Variants in R3HDM2 observed in about 807,000 individuals in gnomAD.
The protein encoded by R3HDM2 is R3H domain containing 2, also known as R3H domain-containing protein 2.
In R3HDM2, 38 loss-of-function variants were observed where a neutral mutation model predicts 124.5. The observed-to-expected ratio is 0.31, with a 90% CI of 0.24 to 0.40. R3HDM2 has a LOEUF of 0.40. Among genes scored for constraint, R3HDM2 ranks in the 10% least tolerant of loss-of-function variants. R3HDM2 has a pLI of 1.00. For missense variants in R3HDM2, 869 were observed against 1,236.9 expected (o/e 0.70, Z 4.46); for synonymous variants, 391 against 448.0 (o/e 0.87, Z 1.61).
At chr12:57,416,701 G>C (rs565924293) in intron 1 of R3HDM2, among the ~76,000 whole-genome samples, 5 of 151,158 alleles carry the variant, frequency 3.3e-5, no homozygotes, top group East Asian at 2.0e-4. Context: ...CCAGCTACTC[G>C]AGAGGATGAG....
intron 2 of R3HDM2, among the ~76,000 whole-genome samples, chr12:57,372,396 A>G (rs1397196889): frequency 6.6e-6 from 1 of 152,240 alleles, no homozygotes; most frequent in Non-Finnish European, 1.5e-5. Flanking sequence ...CACAGGCTAG[A>G]AAGCCTTGGG....
At position 57,254,500 on chromosome 12, in the gene R3HDM2, TCAAA is replaced by T; in HGVS notation, c.*269_*272del. The T allele has an allele frequency of 1.5e-5, 2 of 129,208 alleles. No homozygotes were observed. The highest frequency in any genetic ancestry group is 2.3e-4 in the South Asian group (1 of 4,398). The allele number at this position is 129,208 out of a possible 1,614,324, so 8.0% of individuals were successfully genotyped here. The stretch of plus-strand genomic sequence containing the variant: ...GGGGTGACAAGAGCGAAACTCCGTC[TCAAA>T]AAAAAAAAAAAAAAAAAAAAGAAGA... On this transcript the variant is annotated 3_prime_UTR_variant, in exon 24 of 24. Transcript: ENST00000402412.
intron 1 of R3HDM2, among the ~76,000 whole-genome samples, chr12:57,426,696 C>T (rs1240630933): frequency 6.6e-6 from 1 of 152,184 alleles, no homozygotes; most frequent in Non-Finnish European, 1.5e-5. Flanking sequence ...AAGACTTCCA[C>T]ACTCCATCCT....
intron 2 of R3HDM2, among the ~76,000 whole-genome samples, chr12:57,333,909 G>T (rs1006844121): frequency 6.6e-6 from 1 of 151,960 alleles, no homozygotes; most frequent in African/African-American, 2.4e-5. Context: ...GGGCGTGGTG[G>T]CACGTGCCTG....
chr12:57,424,446 GCCA>G (rs906045572), intron 1 of R3HDM2, among the ~76,000 whole-genome samples: 91 of 152,004 alleles, frequency 6.0e-4, no homozygotes, highest in African/African-American at 2.1e-3. Context: ...ACAGGCGTGA[GCCA>G]CCACACCTGA....
intron 14 of R3HDM2, among the ~76,000 whole-genome samples, chr12:57,278,943 T>C (rs1484383773): frequency 6.6e-6 from 1 of 152,020 alleles, no homozygotes; most frequent in Non-Finnish European, 1.5e-5. Context: ...TTCTTACACC[T>C]AGGGAAGAAA....
In R3HDM2 at chr12:57,296,569, G is replaced by GA. The variant is rs753251644; in HGVS notation, c.561-19dup. ...ACTGATTACTGAAGGGAAACCCGGG[G>GA]AAAAAAAGTGAAATAAGACAAACAA... On this transcript the variant is annotated intron_variant, in intron 8 of 23. Coordinates refer to ENST00000402412, the MANE Select transcript of R3HDM2 (RefSeq NM_001394031.1). The surrounding 1 kb of genome is among the most constrained non-coding windows in gnomAD (Gnocchi z 4.5). 1.3e-6 allele frequency: 2 copies of GA among 1,538,170 alleles called. No homozygotes were observed. Among genetic ancestry groups the GA allele is most frequent in the Non-Finnish European group, 1.8e-6 (2 of 1,140,470 alleles).
At chr12:57,358,507 C>T (rs1220690522) in intron 2 of R3HDM2, among the ~76,000 whole-genome samples, 1 of 151,948 alleles carries the variant, frequency 6.6e-6, no homozygotes, top group Non-Finnish European at 1.5e-5. Flanking sequence ...ATTAGCTGGG[C>T]ATGGTACTGT....
chr12:57,295,510 G>C lies in R3HDM2; in HGVS notation c.702-3C>G. The C allele has an allele frequency of 6.5e-7, 1 of 1,544,002 alleles. No individual in the cohort carries two copies. Among genetic ancestry groups the C allele is most frequent in the Non-Finnish European group, 8.8e-7 (1 of 1,140,370 alleles). On this transcript the variant is annotated splice_polypyrimidine_tract_variant and splice_region_variant and intron_variant, in intron 9 of 23. Transcript: ENST00000402412. The stretch of plus-strand genomic sequence containing the variant: ...GTTCTGAGAACCTCTGTTCAGGGCT[G>C]AGATTTGGAGAGAAATGTGAAAGGA...
chr12:57,283,977 G>A lies in R3HDM2; in HGVS notation c.1018C>T (p.Arg340Cys), dbSNP rs1196877991. 2.5e-6 allele frequency: 4 copies of A among 1,614,092 alleles called. No individual in the cohort carries two copies. Among genetic ancestry groups the A allele is most frequent in the Non-Finnish European group, 3.4e-6 (4 of 1,179,972 alleles). Reference protein sequence around the residue: ...TDSELKSLEPRPWSSTDSDGS... With the variant: ...TDSELKSLEPCPWSSTDSDGS... ...TCAGAGTCTGTGCTGCTCCAAGGGC[G>A]TGGCTCCAGGGATTTGAGTTCGCTG... The change falls in exon 13 of 24, where the codon CGC becomes TGC. Residue 340 changes from arginine to cysteine, a missense_variant. By Grantham distance (180) the Arg-to-Cys change is radical (BLOSUM62 -3). This residue lies in a region of R3HDM2 where 267 missense variants were observed against 447.7 expected (regional missense o/e 0.60). Coordinates refer to ENST00000402412, the MANE Select transcript of R3HDM2 (RefSeq NM_001394031.1).
At chr12:57,332,482 T>A (rs376786685) in intron 2 of R3HDM2, among the ~76,000 whole-genome samples, 5 of 150,988 alleles carry the variant, frequency 3.3e-5, no homozygotes, top group African/African-American at 9.7e-5. Context: ...TCCAAATTCA[T>A]GTTCTTTCTT....
intron 11 of R3HDM2, among the ~76,000 whole-genome samples, chr12:57,292,222 G>A (rs1439181247): frequency 1.3e-5 from 2 of 152,188 alleles, no homozygotes; most frequent in African/African-American, 4.8e-5. Flanking sequence ...AATGGATAGA[G>A]GGAGTGAAAG....
intron 1 of R3HDM2, among the ~76,000 whole-genome samples, chr12:57,411,955 G>C (rs2069045199): frequency 6.6e-6 from 1 of 152,164 alleles, no homozygotes; most frequent in Non-Finnish European, 1.5e-5. Flanking sequence ...TGATGGTTTT[G>C]TAAGGGGCTC....
intron 10 of R3HDM2, 138 bp from the exon 11 acceptor site, chr12:57,292,805 T>A: frequency 1.5e-6 from 1 of 655,352 alleles, no homozygotes; most frequent in Non-Finnish European, 2.6e-6. Context: ...AAATTTCCAG[T>A]CCTGGAGAAG....
chr12:57,423,551 G>A (rs1020601202), intron 1 of R3HDM2, among the ~76,000 whole-genome samples: 10 of 151,072 alleles, frequency 6.6e-5, no homozygotes, highest in African/African-American at 2.2e-4. Flanking sequence ...CAGGCGTGGT[G>A]CCTCATGCCC....
rs563021247 is a variant in R3HDM2 at position 57,428,343 on chromosome 12, T to C, written c.-106+2377A>G. Among the ~76,000 whole-genome samples the C allele has an allele frequency of 4.7e-4, 72 of 151,980 alleles. No homozygotes were observed. The South Asian group carries it at 0.015, about 31-fold the overall frequency. On this transcript the variant is annotated intron_variant, in intron 1 of 23. Transcript: ENST00000402412. ...CAGATCTAGAGCTTTAAAGCTAAGA[T>C]TGGTTTGGCTGGGCGCGGTGGCTCA...
intron 14 of R3HDM2, among the ~76,000 whole-genome samples, chr12:57,275,983 C>T (rs1369683361): frequency 6.6e-6 from 1 of 152,032 alleles, no homozygotes; most frequent in African/African-American, 2.4e-5. Context: ...TTTGGGAGGC[C>T]AAGGCGGGCG....
chr12:57,303,130 G>A (rs1195093961), intron 4 of R3HDM2, 46 bp downstream of exon 4: 1 of 1,431,204 alleles, frequency 7.0e-7, no homozygotes, highest in African/African-American at 1.4e-5. Flanking sequence ...CTTGTGAAAT[G>A]TATTACTAAT....
intron 2 of R3HDM2, among the ~76,000 whole-genome samples, chr12:57,376,977 A>T (rs981315449): frequency 1.2e-4 from 18 of 151,632 alleles, no homozygotes; most frequent in Non-Finnish European, 1.3e-4. Context: ...AAAAAATTTT[A>T]AAAAAGGGGC....
Sources: gnomAD v4.1 joint callset for allele counts (sites outside exome capture counted in the v4.1 genomes callset) on GRCh38, gnomAD v4.1.1 for gene constraint, gnomAD v4.1.1 regional missense constraint, Gnocchi (gnomAD v3.1) non-coding constraint, MANE v1.5 for transcripts, NCBI Gene and HGNC (gene_info 2026-07-23, HGNC 2026-07-21) for gene names.